The following ARSK variants were observed in gnomAD, a reference collection of about 807,000 sequenced individuals.
ARSK encodes arylsulfatase K.
A neutral mutation model predicts 53.2 loss-of-function variants in ARSK; 37 were observed. The ratio of observed to expected loss-of-function variants is 0.70; its 90% CI spans 0.54 to 0.92. The LOEUF (loss-of-function observed/expected upper bound fraction) is 0.92. ARSK is among the 40% of genes least tolerant of loss of function. The probability of loss-of-function intolerance (pLI) is 0.00; values close to 1 mark genes in which losing one functional copy is unlikely to be tolerated. For synonymous variants in ARSK, 208 were observed against 223.2 expected, an observed-to-expected ratio of 0.93 and a Z score of 0.61; for missense variants, 613 against 643.0, an observed-to-expected ratio of 0.95 and a Z score of 0.51.
intron 6 of ARSK, among the ~76,000 whole-genome samples, chr5:95,600,031 T>C (rs964207205): frequency 9.2e-5 from 14 of 152,212 alleles, no homozygotes; most frequent in African/African-American, 3.4e-4. Context: ...AATTTTTCTA[T>C]AGGAAGAGGG....
At position 95,580,911 on chromosome 5, in the gene ARSK, A is replaced by G. The variant is rs778773979; in HGVS notation, c.417-2005A>G. ...CTTTAGGCACAGTGAACGTGGGTCA[A>G]CTAATCAAAGAAGTGAAAAAGTTTG... On this transcript the variant is annotated intron_variant, in intron 3 of 7. Transcript: ENST00000380009. 14 of 1,288,328 alleles carry G rather than the reference A, an allele frequency of 1.1e-5. No individual in the cohort carries two copies. In the South Asian group the frequency reaches 1.1e-4, roughly 10 times the overall value. 79.8% of individuals were successfully genotyped at this position (1,288,328 alleles called of 1,614,324 possible). A position where few individuals can be genotyped will look rare whatever the true frequency, so the allele number is the denominator to read the frequency against.
At chr5:95,595,631 C>T (rs1358569893) in intron 6 of ARSK, among the ~76,000 whole-genome samples, 6 of 147,890 alleles carry the variant, frequency 4.1e-5, no homozygotes, top group East Asian at 2.1e-4. Context: ...TACTCATGGA[C>T]GTAAAAATGC....
intron 4 of ARSK, 22 bp downstream of exon 4, chr5:95,583,220 G>T: frequency 1.4e-6 from 2 of 1,476,528 alleles, no homozygotes; most frequent in Non-Finnish European, 9.0e-7. Flanking sequence ...CATTGTGTGT[G>T]CTCAAAAGTA....
intron 5 of ARSK, among the ~76,000 whole-genome samples, chr5:95,588,112 A>C (rs1438065653): frequency 6.6e-6 from 1 of 152,172 alleles, no homozygotes; most frequent in Non-Finnish European, 1.5e-5. Flanking sequence ...TCTGTATCTA[A>C]TAAAATGAAA....
intron 7 of ARSK, among the ~76,000 whole-genome samples, chr5:95,601,847 A>G (rs1749405575): frequency 6.6e-6 from 1 of 152,170 alleles, no homozygotes; most frequent in Non-Finnish European, 1.5e-5. Flanking sequence ...TGGCTGAAAA[A>G]GGAAGTCTTT....
chr5:95,567,262 AG>A (rs1748739743), intron 2 of ARSK, among the ~76,000 whole-genome samples: 1 of 152,252 alleles, frequency 6.6e-6, no homozygotes, highest in African/African-American at 2.4e-5. Flanking sequence ...AAGACCACTC[AG>A]TAACTGGTGT....
At chr5:95,562,830 G>C (rs1430122592) in intron 1 of ARSK, among the ~76,000 whole-genome samples, 2 of 152,194 alleles carry the variant, frequency 1.3e-5, no homozygotes, top group Admixed American at 6.5e-5. Context: ...GAATGGCCTT[G>C]AGAAAATTGA....
At chr5:95,572,722 G>T (rs1417333881) in intron 3 of ARSK, among the ~76,000 whole-genome samples, 1 of 149,378 alleles carries the variant, frequency 6.7e-6, no homozygotes, top group Non-Finnish European at 1.5e-5. Context: ...AGCTTGCAGC[G>T]AGCCGAGATT....
intron 1 of ARSK, among the ~76,000 whole-genome samples, chr5:95,559,463 A>C (rs1202813659): frequency 6.6e-6 from 1 of 152,210 alleles, no homozygotes; most frequent in African/African-American, 2.4e-5. Context: ...GCAGATACCA[A>C]GGGACAAATG....
At chr5:95,602,879 G>A (rs1425315863) in intron 7 of ARSK, among the ~76,000 whole-genome samples, 1 of 152,118 alleles carries the variant, frequency 6.6e-6, no homozygotes, top group Non-Finnish European at 1.5e-5. Context: ...AAATGGTACA[G>A]TATAAGCATT....
chr5:95,584,150 T>A (rs574616547), intron 4 of ARSK, among the ~76,000 whole-genome samples: 1 of 152,362 alleles, frequency 6.6e-6, no homozygotes, highest in African/African-American at 2.4e-5. Context: ...TTGACTTCTC[T>A]TCATTATCTG....
intron 1 of ARSK, among the ~76,000 whole-genome samples, chr5:95,564,386 T>C (rs1026026509): frequency 2.6e-5 from 4 of 152,196 alleles, no homozygotes; most frequent in African/African-American, 9.7e-5. Context: ...TATTTTGACA[T>C]AAGACATGCA....
At chr5:95,559,173 G>C (rs1748583870) in intron 1 of ARSK, among the ~76,000 whole-genome samples, 1 of 152,058 alleles carries the variant, frequency 6.6e-6, no homozygotes, top group Non-Finnish European at 1.5e-5. Context: ...GTTCATGCCT[G>C]ATTCCAAAGC....
chr5:95,575,048 A>C (rs766787422), intron 3 of ARSK, among the ~76,000 whole-genome samples: 1 of 152,016 alleles, frequency 6.6e-6, no homozygotes, highest in Non-Finnish European at 1.5e-5. Context: ...ATCTAGTTTC[A>C]TTTTTCTGCG....
At chr5:95,582,521 A>C (rs1424780242) in intron 3 of ARSK, among the ~76,000 whole-genome samples, 2 of 152,158 alleles carry the variant, frequency 1.3e-5, no homozygotes, top group Non-Finnish European at 2.9e-5. Context: ...ATAAATGTTT[A>C]GTGATAAAAG....
At chr5:95,587,331 G>C (rs1749134335) in intron 5 of ARSK, among the ~76,000 whole-genome samples, 1 of 152,186 alleles carries the variant, frequency 6.6e-6, no homozygotes. Context: ...AGCTATGGAA[G>C]TTTCCAGTTC....
At chr5:95,586,508 G>A in intron 4 of ARSK, 54 bp from the exon 5 acceptor site, 1 of 1,367,960 alleles carries the variant, frequency 7.3e-7, no homozygotes, top group Non-Finnish European at 1.0e-6. Context: ...CTTATTGGAG[G>A]AAAGAAATAG....
At chr5:95,587,399 A>G (rs891606683) in intron 5 of ARSK, among the ~76,000 whole-genome samples, 2 of 152,230 alleles carry the variant, frequency 1.3e-5, no homozygotes, top group African/African-American at 4.8e-5. Context: ...ATTTTCATAA[A>G]GTAATGTCAT....
At position 95,601,059 on chromosome 5, in the gene ARSK, C is replaced by A; in HGVS notation, c.1309C>A (p.Pro437Thr). Residue 437 changes from proline to threonine, a missense_variant, in exon 7 of 8, where the codon CCT becomes ACT. Physicochemically the swap from Pro to Thr is conservative, Grantham distance 38. Coordinates refer to ENST00000380009, the MANE Select transcript of ARSK (RefSeq NM_198150.3). ...CTATTCGGATGGTGCATCAATATTG[C>A]CTCAACTCTTTGGTAAGTTTGTTAA... ...IAYSDGASIL[P>T]QLFDLSSDPD... The A allele has an allele frequency of 6.2e-7, 1 of 1,612,796 alleles. No homozygotes were observed. The highest frequency in any genetic ancestry group is 8.5e-7 in the Non-Finnish European group (1 of 1,178,852).
Sources: gnomAD v4.1 joint callset for allele counts (sites outside exome capture counted in the v4.1 genomes callset) on GRCh38, gnomAD v4.1.1 for gene constraint, MANE v1.5 for transcripts, NCBI Gene and HGNC (gene_info 2026-07-23, HGNC 2026-07-21) for gene names.